The following ARRDC5 variants were observed in gnomAD, a reference collection of about 807,000 sequenced individuals.
ARRDC5 encodes arrestin domain containing 5.
Under a neutral mutation model 13.3 loss-of-function variants are expected in ARRDC5, and 12 were observed. The ratio of observed to expected loss-of-function variants is 0.90; its 90% CI spans 0.58 to 1.46. The LOEUF (loss-of-function observed/expected upper bound fraction) is 1.46, where lower values mean the gene tolerates loss of function less well. ARRDC5 is among the 40% of genes most tolerant of loss of function. The probability of loss-of-function intolerance (pLI) is 0.00; values close to 1 mark genes in which losing one functional copy is unlikely to be tolerated. For synonymous variants in ARRDC5, 181 were observed against 173.4 expected, an observed-to-expected ratio of 1.04 and a Z score of -0.34; for missense variants, 406 against 418.7, an observed-to-expected ratio of 0.97 and a Z score of 0.26.
intron 1 of ARRDC5, among the ~76,000 whole-genome samples, chr19:4,899,764 C>CCAAAAAA (rs1424989852): frequency 4.4e-5 from 3 of 67,972 alleles, no homozygotes; most frequent in African/African-American, 1.8e-4. Context: ...CCCGTCTCTA[C>CCAAAAAA]AAAAAAAAAA....
chr19:4,899,590 C>T (rs1455707853), intron 1 of ARRDC5, among the ~76,000 whole-genome samples: 7 of 151,280 alleles, frequency 4.6e-5, no homozygotes, highest in African/African-American at 1.7e-4. Flanking sequence ...TGAGATCACG[C>T]CATGGCACTC....
In ARRDC5 at chr19:4,896,744, TGTTC is replaced by T. The variant is rs2031749910; in HGVS notation, c.382_385del (p.Glu128ThrfsTer3). The T allele has an allele frequency of 1.2e-6, 2 of 1,613,896 alleles. No individual in the cohort carries two copies. Among genetic ancestry groups the T allele is most frequent in the East Asian group, 2.2e-5 (1 of 44,868 alleles). Reference sequence around the variant, plus strand: ...GTACATCCTCTTCTTGGCTAAAATGTGTTCCCTGCCCATGCAGGAAGCTTGTACG... The same window carrying T: ...GTACATCCTCTTCTTGGCTAAAATGTCCTGCCCATGCAGGAAGCTTGTACG... On this transcript the variant is annotated frameshift_variant, in exon 2 of 3. Transcript: ENST00000650722. LOFTEE classifies it high-confidence loss of function.
At position 4,896,799 on chromosome 19, in the gene ARRDC5, T is replaced by C. The variant is rs1370290525; in HGVS notation, c.331A>G (p.Ser111Gly). The change falls in exon 2 of 3, where the codon AGC becomes GGC. Residue 111 changes from serine (S) to glycine (G), a missense_variant. Transcript: ENST00000650722. ...AAATAGAAGACATGGCCAAATTTGCTGGTGAAGGTAGAAGGAAGCCTGGGA... is the reference window on the plus strand; with the variant it reads ...AAATAGAAGACATGGCCAAATTTGCCGGTGAAGGTAGAAGGAAGCCTGGGA... Reference protein sequence around the residue: ...LPPRLPSTFTSKFGHVFYFVQ... With the variant: ...LPPRLPSTFTGKFGHVFYFVQ... 2.5e-6 allele frequency: 4 copies of C among 1,613,804 alleles called. No individual in the cohort carries two copies. The highest frequency in any genetic ancestry group is 3.4e-6 in the Non-Finnish European group (4 of 1,179,874).
At chr19:4,909,491 G>GA in the ARRDC5 span, 23 of 655,362 alleles carry the variant, frequency 3.5e-5, no homozygotes, top group South Asian at 1.4e-4. Context: ...GTTTTCGCGG[G>GA]AAAAAAATCA....
upstream of ARRDC5, among the ~76,000 whole-genome samples, chr19:4,905,669 C>T (rs2032052040): frequency 6.6e-6 from 1 of 151,982 alleles, no homozygotes; most frequent in Non-Finnish European, 1.5e-5. Flanking sequence ...AGGCACGTGC[C>T]ACCACATCTG....
At chr19:4,909,442 G>C in the ARRDC5 span, 2 of 653,096 alleles carry the variant, frequency 3.1e-6, no homozygotes, top group South Asian at 3.2e-5. Context: ...GCCCGCCCCC[G>C]GCACGGCCTC....
At chr19:4,908,634 C>G in the ARRDC5 span, among the ~76,000 whole-genome samples, 1 of 152,154 alleles carries the variant, frequency 6.6e-6, no homozygotes, top group African/African-American at 2.4e-5. Context: ...AGAGGCCCAC[C>G]GCAGTGGCCC....
intron 2 of ARRDC5, among the ~76,000 whole-genome samples, chr19:4,894,563 A>G (rs1360212583): frequency 6.9e-6 from 1 of 144,726 alleles, no homozygotes; most frequent in African/African-American, 2.6e-5. Flanking sequence ...GGGTGCCTGT[A>G]GTCCCAGCTA....
the ARRDC5 span, chr19:4,910,813 A>G: frequency 6.6e-7 from 1 of 1,520,176 alleles, no homozygotes; most frequent in South Asian, 1.3e-5. Context: ...GACTCCTTAG[A>G]GCATGGCATG....
rs1225628606 is a variant in ARRDC5 at position 4,896,348 on chromosome 19, A to ATTTT, written c.459+319_459+322dup. 1.5e-3 allele frequency among the ~76,000 whole-genome samples: 90 copies of ATTTT among 59,544 alleles called. 1 individual carries two copies. Among genetic ancestry groups the ATTTT allele is most frequent in the African/African-American group, 5.4e-3 (85 of 15,654 alleles). The allele number at this position is 59,544 out of a possible 152,430, so 39.1% of individuals were successfully genotyped here. ...AAAAAAAATATATATATATATATAT[A>ATTTT]TTTTTTTTTTTTTACACACACACAC... On this transcript the variant is annotated intron_variant, in intron 2 of 2. Transcript: ENST00000650722.
rs554575380 is a variant in ARRDC5 at position 4,900,202 on chromosome 19, C to T, written c.253+2371G>A. ...TCGCTTTGTTGCCCAGGCTGGAGTG[C>T]AGTGGCGTGATCTCGGCTCACCGCA... On this transcript the variant is annotated intron_variant, in intron 1 of 2. Transcript: ENST00000650722. Among the ~76,000 whole-genome samples, 14 of 130,664 alleles carry T rather than the reference C, an allele frequency of 1.1e-4. No individual in the cohort carries two copies. The South Asian group carries it at 3.4e-3, about 32-fold the overall frequency. The allele number at this position is 130,664 out of a possible 152,430, so 85.7% of individuals were successfully genotyped here.
intron 1 of ARRDC5, among the ~76,000 whole-genome samples, chr19:4,901,981 A>G (rs894203482): frequency 1.3e-5 from 2 of 151,940 alleles, no homozygotes; most frequent in Non-Finnish European, 2.9e-5. Context: ...CCCCTTCACG[A>G]GTTCAAGTGA....
rs554761957 is a variant in ARRDC5 at position 4,894,660 on chromosome 19, G to A, written c.459+2011C>T. ...GATCGCGCCACTGCCCTCCAGCCTG[G>A]GCGACAGAATGAGACTGTCTCAAAA... On this transcript the variant is annotated intron_variant, in intron 2 of 2. Transcript: ENST00000650722. Among the ~76,000 whole-genome samples, 4 of 148,614 alleles carry A rather than the reference G, an allele frequency of 2.7e-5. No individual in the cohort carries two copies. The East Asian group carries it at 7.8e-4, about 29-fold the overall frequency.
In ARRDC5 at chr19:4,890,687, C is replaced by T. The variant is rs902198368; in HGVS notation, c.*359G>A. ...CCAATAAGACTCTTCTCCCCCGATC[C>T]CCTGCAGTTGTGACAGCCAATACAA... On this transcript the variant is annotated 3_prime_UTR_variant, in exon 3 of 3. Coordinates refer to ENST00000650722, the MANE Select transcript of ARRDC5 (RefSeq NM_001080523.3). 2 of 266,844 alleles carry T rather than the reference C, an allele frequency of 7.5e-6. No individual in the cohort carries two copies. Among genetic ancestry groups the T allele is most frequent in the Non-Finnish European group, 1.4e-5 (2 of 138,474 alleles). The allele number at this position is 266,844 out of a possible 1,614,324, so 16.5% of individuals were successfully genotyped here.
the ARRDC5 span, among the ~76,000 whole-genome samples, chr19:4,916,757 C>A: frequency 6.6e-6 from 1 of 152,214 alleles, no homozygotes; most frequent in African/African-American, 2.4e-5. Context: ...GAGGTTGTCG[C>A]AGAGGCGCTG....
chr19:4,898,545 A>T (rs1376204687), intron 1 of ARRDC5, among the ~76,000 whole-genome samples: 3 of 152,000 alleles, frequency 2.0e-5, no homozygotes, highest in Admixed American at 6.6e-5. Flanking sequence ...TATTTTTAGT[A>T]GAGATGGGGT....
At chr19:4,913,342 C>G in the ARRDC5 span, among the ~76,000 whole-genome samples, 5 of 147,142 alleles carry the variant, frequency 3.4e-5, no homozygotes, top group South Asian at 8.6e-4. Flanking sequence ...CAACCTTCAT[C>G]TCCCAAGTTC....
At chr19:4,893,211 ATT>A (rs1491244744) in intron 2 of ARRDC5, among the ~76,000 whole-genome samples, 7 of 135,736 alleles carry the variant, frequency 5.2e-5, no homozygotes, top group African/African-American at 1.9e-4. Context: ...TTATATATAT[ATT>A]ATATATATAT....
chr19:4,894,626 G>A (rs2031645303), intron 2 of ARRDC5, among the ~76,000 whole-genome samples: 1 of 149,660 alleles, frequency 6.7e-6, no homozygotes, highest in African/African-American at 2.5e-5. Context: ...AGAGCTTGCA[G>A]TGAGCCGAGA....
Sources: allele counts gnomAD v4.1 joint callset (sites outside exome capture counted in the v4.1 genomes callset), GRCh38; gene constraint gnomAD v4.1.1; transcripts MANE v1.5; gene names NCBI Gene and HGNC (gene_info 2026-07-23, HGNC 2026-07-21).